Variants in PIWIL2 observed in about 807,000 individuals in gnomAD.
PIWIL2 encodes the protein piwi-like protein 2.
A neutral mutation model predicts 116.5 loss-of-function variants in PIWIL2; 81 were observed. The ratio of observed to expected loss-of-function variants is 0.70; its 90% CI spans 0.58 to 0.84. The LOEUF (loss-of-function observed/expected upper bound fraction) is 0.84. PIWIL2 is among the 40% of genes least tolerant of loss of function. The probability of loss-of-function intolerance (pLI) is 0.00; values close to 1 mark genes in which losing one functional copy is unlikely to be tolerated. For missense variants in PIWIL2, 1,272 were observed against 1,212.3 expected, an observed-to-expected ratio of 1.05 and a Z score of -0.73; for synonymous variants, 489 against 429.5, an observed-to-expected ratio of 1.14 and a Z score of -1.71.
chr8:22,333,219 A>T (rs1831902484), intron 20 of PIWIL2, among the ~76,000 whole-genome samples: 1 of 152,190 alleles, frequency 6.6e-6, no homozygotes, highest in Non-Finnish European at 1.5e-5. Context: ...ATTTAATGTA[A>T]GAAGAATACA....
chr8:22,347,516 C>CTTT (rs1218303089), intron 20 of PIWIL2, among the ~76,000 whole-genome samples: 116 of 98,464 alleles, frequency 1.2e-3, no homozygotes, highest in East Asian at 2.2e-3. Flanking sequence ...TGTGCCTGGC[C>CTTT]TTTTTTTTTT....
intron 20 of PIWIL2, among the ~76,000 whole-genome samples, chr8:22,332,698 A>G (rs1203694850): frequency 2.0e-5 from 3 of 152,270 alleles, no homozygotes; most frequent in Non-Finnish European, 2.9e-5. Context: ...ACAAAGCACT[A>G]AAAGAAAGTA....
intron 14 of PIWIL2, among the ~76,000 whole-genome samples, chr8:22,309,518 T>C (rs1026840355): frequency 5.9e-5 from 9 of 151,856 alleles, no homozygotes; most frequent in Non-Finnish European, 1.2e-4. Context: ...TTTGTATTTT[T>C]AGTAGAGACA....
intron 20 of PIWIL2, among the ~76,000 whole-genome samples, chr8:22,349,769 G>T (rs533104037): frequency 6.6e-6 from 1 of 152,274 alleles, no homozygotes; most frequent in South Asian, 2.1e-4. Flanking sequence ...GAGGATTGGT[G>T]AGAAGGTGGA....
Position 22,287,663 on chromosome 8 carries a change from A to G in PIWIL2, c.861+18A>G, listed in dbSNP as rs1049884372. 6.9e-7 allele frequency: 1 copy of G among 1,454,618 alleles called. No homozygotes were observed. Among genetic ancestry groups the G allele is most frequent in the African/African-American group, 1.4e-5 (1 of 71,912 alleles). The allele number at this position is 1,454,618 out of a possible 1,614,324, so 90.1% of individuals were successfully genotyped here. A position where few individuals can be genotyped will look rare whatever the true frequency, so the allele number is the denominator to read the frequency against. On this transcript the variant is annotated intron_variant, in intron 7 of 22. Coordinates refer to ENST00000356766, the MANE Select transcript of PIWIL2 (RefSeq NM_018068.5). ...TTCAACAAGTGAGACCAAACAGGAAATGGACTTTGAGATGAACCCTAAGAG... is the reference window on the plus strand; with the variant it reads ...TTCAACAAGTGAGACCAAACAGGAAGTGGACTTTGAGATGAACCCTAAGAG...
At chr8:22,289,776 G>A in intron 8 of PIWIL2, 71 bp from the exon 9 acceptor site, 6 of 916,442 alleles carry the variant, frequency 6.5e-6, no homozygotes, top group African/African-American at 1.6e-5. Flanking sequence ...AAAGGCAAAT[G>A]TAGCTAAGAA....
chr8:22,306,814 C>G (rs1207892933), intron 13 of PIWIL2, among the ~76,000 whole-genome samples: 2 of 152,152 alleles, frequency 1.3e-5, no homozygotes, highest in Non-Finnish European at 2.9e-5. Context: ...TATACAACTC[C>G]CAGTTGCCTG....
rs567336789 is a variant in PIWIL2 at position 22,332,535 on chromosome 8, C to T, written c.2403+14260C>T. ...TTATAAAAAGAAAAGCACATCTAGGCACATTATAACACTGTTGAGGGTAAA... is the reference window on the plus strand; with the variant it reads ...TTATAAAAAGAAAAGCACATCTAGGTACATTATAACACTGTTGAGGGTAAA... On this transcript the variant is annotated intron_variant, in intron 20 of 22. Coordinates refer to ENST00000356766, the MANE Select transcript of PIWIL2 (RefSeq NM_018068.5). 4.3e-4 allele frequency among the ~76,000 whole-genome samples: 65 copies of T among 152,032 alleles called. 2 individuals carry two copies. Among genetic ancestry groups the T allele is most frequent in the African/African-American group, 1.6e-3 (65 of 41,400 alleles).
chr8:22,350,294 A>C (rs1020702135), intron 20 of PIWIL2, among the ~76,000 whole-genome samples: 1 of 151,984 alleles, frequency 6.6e-6, no homozygotes, highest in African/African-American at 2.4e-5. Context: ...GCCAAAAAAA[A>C]TTTTTTTAAG....
chr8:22,279,528 G>A lies in PIWIL2; in HGVS notation c.142G>A (p.Gly48Ser), dbSNP rs1396714534. 1.2e-6 allele frequency: 2 copies of A among 1,614,094 alleles called. No individual in the cohort carries two copies. Among genetic ancestry groups the A allele is most frequent in the African/African-American group, 2.7e-5 (2 of 74,930 alleles). Residue 48 changes from glycine (G) to serine (S), a missense_variant, in exon 2 of 23, where the codon GGC (glycine) becomes AGC (serine). By Grantham distance (56) the Gly-to-Ser change is moderately conservative. Transcript: ENST00000356766. The stretch of plus-strand genomic sequence containing the variant: ...GGGCAGGGGAGCACCTGCAGGCAGA[G>A]GCCATGTATTTGGAAAGCCAGAGGA... ...ALGRGAPAGRGHVFGKPEEPS... is the reference protein window; with the variant it reads ...ALGRGAPAGRSHVFGKPEEPS...
intron 10 of PIWIL2, among the ~76,000 whole-genome samples, chr8:22,300,495 T>C (rs371925975): frequency 2.0e-5 from 3 of 152,232 alleles, no homozygotes; most frequent in African/African-American, 7.2e-5. Context: ...TGTGGACTTA[T>C]ACTTTCATTT....
Position 22,338,922 on chromosome 8 carries a change from TC to T in PIWIL2, c.2404-14036del, listed in dbSNP as rs764630139. On this transcript the variant is annotated intron_variant, in intron 20 of 22. Coordinates refer to ENST00000356766, the MANE Select transcript of PIWIL2 (RefSeq NM_018068.5). Reference sequence around the variant, plus strand: ...ATCTTTAAAAAATACACTCACAGTTTCTAATTTCAGAACTTGTTACAGAGAT... The same window carrying T: ...ATCTTTAAAAAATACACTCACAGTTTTAATTTCAGAACTTGTTACAGAGAT... Among the ~76,000 whole-genome samples, 4 of 152,310 alleles carry T rather than the reference TC, an allele frequency of 2.6e-5. No homozygotes were observed. The South Asian group carries it at 6.2e-4, about 24-fold the overall frequency.
chr8:22,353,934 C>A (rs913542002), intron 21 of PIWIL2, among the ~76,000 whole-genome samples: 5 of 152,006 alleles, frequency 3.3e-5, no homozygotes, highest in African/African-American at 1.2e-4. Context: ...TGCCACCATG[C>A]CCAACTAATT....
At position 22,355,930 on chromosome 8, in the gene PIWIL2, G is replaced by A. The variant is rs1410009331; in HGVS notation, c.*425G>A. On this transcript the variant is annotated 3_prime_UTR_variant, in exon 23 of 23. Coordinates refer to ENST00000356766, the MANE Select transcript of PIWIL2 (RefSeq NM_018068.5). ...CTACTAAAATACAAAAAAATTAGCC[G>A]GGTGTGGCGGTGCACGCCTGTAGTC... 3 of 176,064 alleles carry A rather than the reference G, an allele frequency of 1.7e-5. No homozygotes were observed. Among genetic ancestry groups the A allele is most frequent in the East Asian group, 2.7e-4 (2 of 7,452 alleles). 10.9% of individuals were successfully genotyped at this position (176,064 alleles called of 1,614,324 possible). A position where few individuals can be genotyped will look rare whatever the true frequency, so the allele number is the denominator to read the frequency against.
At position 22,320,547 on chromosome 8, in the gene PIWIL2, G is replaced by A. The variant is rs1831574730; in HGVS notation, c.2403+2272G>A. Among the ~76,000 whole-genome samples the A allele has an allele frequency of 2.0e-5, 3 of 151,954 alleles. No homozygotes were observed. The South Asian group carries it at 6.2e-4, about 31-fold the overall frequency. On this transcript the variant is annotated intron_variant, in intron 20 of 22. Transcript: ENST00000356766. Reference sequence around the variant, plus strand: ...CCGCCTCAGCCTCTCAAAGTGCTGAGATTATAGGTGTGAGCCACCATGTCT... The same window carrying A: ...CCGCCTCAGCCTCTCAAAGTGCTGAAATTATAGGTGTGAGCCACCATGTCT...
intron 10 of PIWIL2, among the ~76,000 whole-genome samples, chr8:22,297,724 T>C (rs1830943944): frequency 6.6e-6 from 1 of 151,964 alleles, no homozygotes; most frequent in South Asian, 2.1e-4. Flanking sequence ...TCGGGGTCAG[T>C]GGATGAAAAA....
chr8:22,283,689 G>C (rs1830565513), intron 5 of PIWIL2, among the ~76,000 whole-genome samples: 1 of 152,192 alleles, frequency 6.6e-6, no homozygotes, highest in Non-Finnish European at 1.5e-5. Flanking sequence ...GATTACAGGT[G>C]TGAGCCACTG....
intron 6 of PIWIL2, among the ~76,000 whole-genome samples, chr8:22,285,464 T>C (rs965598974): frequency 6.6e-6 from 1 of 152,206 alleles, no homozygotes; most frequent in Non-Finnish European, 1.5e-5. Flanking sequence ...ATCCATTCAG[T>C]GGACACTTAG....
chr8:22,346,066 T>C (rs980290171), intron 20 of PIWIL2, among the ~76,000 whole-genome samples: 1 of 152,052 alleles, frequency 6.6e-6, no homozygotes, highest in Non-Finnish European at 1.5e-5. Context: ...ATAGTTTAAG[T>C]GGGTGAGTTT....
Sources: allele counts gnomAD v4.1 joint callset (sites outside exome capture counted in the v4.1 genomes callset), GRCh38; gene constraint gnomAD v4.1.1; transcripts MANE v1.5; gene names NCBI Gene and HGNC (gene_info 2026-07-23, HGNC 2026-07-21).